Variants in MBD5 observed in about 807,000 individuals in gnomAD.
The protein encoded by MBD5 is methyl-CpG-binding domain protein 5.
MBD5 carries 13 observed loss-of-function variants against 117.3 expected under a neutral mutation model. The ratio of observed to expected loss-of-function variants is 0.11; its 90% CI spans 0.07 to 0.18. The LOEUF (loss-of-function observed/expected upper bound fraction) is 0.18. Among genes scored for constraint, MBD5 ranks in the 10% least tolerant of loss-of-function variants. MBD5 has a pLI of 1.00. For synonymous variants in MBD5, 727 were observed against 766.4 expected (o/e 0.95, Z 0.85); for missense variants, 1,879 against 2,093.8 (o/e 0.90, Z 2.00).
intron 3 of MBD5, among the ~76,000 whole-genome samples, chr2:148,276,076 C>T (rs1701105607): frequency 6.6e-6 from 1 of 152,070 alleles, no homozygotes; most frequent in African/African-American, 2.4e-5. Flanking sequence ...CTTTGGGAGT[C>T]CGAGACAGGA....
intron 3 of MBD5, among the ~76,000 whole-genome samples, chr2:148,314,084 C>A (rs944954679): frequency 6.6e-6 from 1 of 151,870 alleles, no homozygotes; most frequent in East Asian, 1.9e-4. Flanking sequence ...TATTCCTATT[C>A]GGTCATCTTG....
At chr2:148,312,536 A>G (rs1702059098) in intron 3 of MBD5, among the ~76,000 whole-genome samples, 2 of 152,094 alleles carry the variant, frequency 1.3e-5, no homozygotes, top group African/African-American at 2.4e-5. Flanking sequence ...TGGTTATTCT[A>G]CTTAGCAATT....
At chr2:148,338,295 A>G (rs1206409281) in intron 3 of MBD5, among the ~76,000 whole-genome samples, 2 of 152,080 alleles carry the variant, frequency 1.3e-5, no homozygotes, top group Non-Finnish European at 2.9e-5. Flanking sequence ...GGTCCAGTCA[A>G]GGTTCATACA....
chr2:148,242,365 A>G (rs1700232736), intron 3 of MBD5, among the ~76,000 whole-genome samples: 1 of 123,664 alleles, frequency 8.1e-6, no homozygotes, highest in East Asian at 3.1e-4. Flanking sequence ...GTTCATTTCT[A>G]TATTACACAC....
chr2:148,159,493 C>G (rs1185217910), intron 1 of MBD5, among the ~76,000 whole-genome samples: 1 of 151,848 alleles, frequency 6.6e-6, no homozygotes. Context: ...ACCATGTTTC[C>G]CAGCCTGGTC....
At chr2:148,252,285 C>T (rs918304496) in intron 3 of MBD5, among the ~76,000 whole-genome samples, 3 of 152,010 alleles carry the variant, frequency 2.0e-5, no homozygotes, top group Non-Finnish European at 4.4e-5. Flanking sequence ...CATAGCTAGA[C>T]ACCCTCTCTA....
At chr2:148,154,745 C>A (rs1030476877) in intron 1 of MBD5, among the ~76,000 whole-genome samples, 13 of 152,202 alleles carry the variant, frequency 8.5e-5, no homozygotes, top group Non-Finnish European at 1.6e-4. Flanking sequence ...AACTCCCTGA[C>A]CCCTTGCGCT....
chr2:148,405,673 A>T (rs984316728), intron 4 of MBD5, among the ~76,000 whole-genome samples: 1 of 152,228 alleles, frequency 6.6e-6, no homozygotes, highest in Non-Finnish European at 1.5e-5. Flanking sequence ...TTTACTCTTG[A>T]AATATGGCTT....
chr2:148,513,007 G>A lies in MBD5; in HGVS notation c.*66G>A, dbSNP rs1682263972. ...CATGCACAGATGTATCTGTATATAG[G>A]TATTGATATAGCCACAGTTATATCA... On this transcript the variant is annotated 3_prime_UTR_variant, in exon 14 of 14. Transcript: ENST00000642680. 11 of 1,385,412 alleles carry A rather than the reference G, an allele frequency of 7.9e-6. No homozygotes were observed. In the Admixed American group the frequency reaches 1.7e-4, roughly 21 times the overall value. 85.8% of individuals were successfully genotyped at this position (1,385,412 alleles called of 1,614,324 possible). A position where few individuals can be genotyped will look rare whatever the true frequency, so the allele number is the denominator to read the frequency against.
chr2:148,329,029 A>G (rs895347501), intron 3 of MBD5, among the ~76,000 whole-genome samples: 1 of 152,232 alleles, frequency 6.6e-6, no homozygotes, highest in African/African-American at 2.4e-5. Context: ...ATACATGCTC[A>G]TGATCATTTT....
intron 1 of MBD5, among the ~76,000 whole-genome samples, chr2:148,154,665 G>T (rs561055814): frequency 7.2e-5 from 11 of 152,178 alleles, no homozygotes; most frequent in Admixed American, 4.6e-4. Context: ...TCGGAAAAGC[G>T]CAGTAATCGG....
chr2:148,490,190 T>C lies in MBD5; in HGVS notation c.4558T>C (p.Cys1520Arg). The C allele has an allele frequency of 1.9e-6, 3 of 1,614,112 alleles. No individual in the cohort carries two copies. The highest frequency in any genetic ancestry group is 2.5e-6 in the Non-Finnish European group (3 of 1,180,024). Residue 1520 changes from cysteine to arginine, a missense_variant, in exon 11 of 14, where the codon TGT becomes CGT. Cys to Arg is a radical substitution (Grantham distance 180). This residue lies in a region of MBD5 where 1,666 missense variants were observed against 1,792.2 expected (regional missense o/e 0.93). Coordinates refer to ENST00000642680, the MANE Select transcript of MBD5 (RefSeq NM_001378120.1). ...KERLENTVER[C>R]AHINGNRPRQ... ...GAGACTAGAGAACACTGTGGAAAGA[T>C]GTGCACACATAAATGGGAATAGACC...
At chr2:148,461,302 C>T (rs936043991) in intron 5 of MBD5, among the ~76,000 whole-genome samples, 22 of 151,956 alleles carry the variant, frequency 1.4e-4, no homozygotes, top group Non-Finnish European at 2.9e-4. Context: ...TGGTTGAACT[C>T]GTCACTAAAA....
intron 2 of MBD5, among the ~76,000 whole-genome samples, chr2:148,180,343 C>CATATATACATATAT (rs1553481826): frequency 2.8e-5 from 3 of 105,544 alleles, no homozygotes; most frequent in South Asian, 3.3e-4. Context: ...AAAAATTATA[C>CATATATACATATAT]ATATATATAT....
At chr2:148,022,444 T>C (rs558722896) in intron 1 of MBD5, among the ~76,000 whole-genome samples, 1 of 152,332 alleles carries the variant, frequency 6.6e-6, no homozygotes, top group Admixed American at 6.5e-5. Flanking sequence ...CCCACATACG[T>C]TCCTGATACT....
chr2:148,378,629 C>T (rs1704052618), intron 4 of MBD5, among the ~76,000 whole-genome samples: 1 of 151,620 alleles, frequency 6.6e-6, no homozygotes, highest in Non-Finnish European at 1.5e-5. Flanking sequence ...AAAAAAGATA[C>T]AAAATGTTTG....
chr2:148,439,864 A>G (rs1302912514), intron 4 of MBD5, among the ~76,000 whole-genome samples: 3 of 151,618 alleles, frequency 2.0e-5, no homozygotes, highest in East Asian at 1.9e-4. Flanking sequence ...TCAGTCTCCC[A>G]GGTAGCTGGG....
chr2:148,445,140 T>TTTA (rs1252545251), intron 4 of MBD5, among the ~76,000 whole-genome samples: 42 of 151,266 alleles, frequency 2.8e-4, no homozygotes. Flanking sequence ...TTTCTTTTCT[T>TTTA]TTATTTTTTA....
chr2:148,169,625 T>C (rs1698209827), intron 1 of MBD5, among the ~76,000 whole-genome samples: 1 of 152,192 alleles, frequency 6.6e-6, no homozygotes. Flanking sequence ...TAGAAAATGC[T>C]TGTGAGGAAA....
Sources: gnomAD v4.1 joint callset for allele counts (sites outside exome capture counted in the v4.1 genomes callset) on GRCh38, gnomAD v4.1.1 for gene constraint, gnomAD v4.1.1 regional missense constraint, MANE v1.5 for transcripts, NCBI Gene and HGNC (gene_info 2026-07-23, HGNC 2026-07-21) for gene names.